SGCZ: variants seen among roughly 807,000 people sequenced by gnomAD.
The protein encoded by SGCZ is zeta-sarcoglycan.
SGCZ carries 40 observed loss-of-function variants against 41.3 expected under a neutral mutation model. The ratio of observed to expected loss-of-function variants is 0.97; its 90% CI spans 0.75 to 1.26. The LOEUF (loss-of-function observed/expected upper bound fraction) is 1.26. SGCZ is among the 50% of genes most tolerant of loss of function. SGCZ has a pLI of 0.00. For synonymous variants in SGCZ, 206 were observed against 137.5 expected, an observed-to-expected ratio of 1.50 and a Z score of -3.49; for missense variants, 552 against 369.8, an observed-to-expected ratio of 1.49 and a Z score of -4.04.
At chr8:15,082,964 C>T (rs1437988092) in intron 1 of SGCZ, among the ~76,000 whole-genome samples, 1 of 151,796 alleles carries the variant, frequency 6.6e-6, no homozygotes, top group African/African-American at 2.4e-5. Context: ...CACTAGATTT[C>T]ACAGTCTGAT....
intron 2 of SGCZ, among the ~76,000 whole-genome samples, chr8:14,435,009 A>C (rs1800048451): frequency 6.6e-6 from 1 of 152,206 alleles, no homozygotes; most frequent in African/African-American, 2.4e-5. Flanking sequence ...TATTTAAAAA[A>C]ATAATTACCA....
intron 3 of SGCZ, among the ~76,000 whole-genome samples, chr8:14,323,754 A>G (rs776015170): frequency 6.6e-6 from 1 of 152,162 alleles, no homozygotes; most frequent in Non-Finnish European, 1.5e-5. Context: ...AAAATCATTA[A>G]TTCAAATCAG....
intron 1 of SGCZ, among the ~76,000 whole-genome samples, chr8:15,111,236 T>C (rs898672300): frequency 3.9e-5 from 6 of 152,126 alleles, no homozygotes. Context: ...GCTGATTTCC[T>C]AGGGCTGGCT....
intron 2 of SGCZ, among the ~76,000 whole-genome samples, chr8:14,509,719 G>A (rs1021956271): frequency 1.3e-5 from 2 of 152,054 alleles, no homozygotes; most frequent in African/African-American, 4.8e-5. Flanking sequence ...CCTGACACAG[G>A]GTAATTAATA....
intron 1 of SGCZ, among the ~76,000 whole-genome samples, chr8:15,123,236 A>C (rs2116955727): frequency 6.6e-6 from 1 of 152,324 alleles, no homozygotes; most frequent in East Asian, 1.9e-4. Flanking sequence ...AAAATAAAAC[A>C]ACCAGTGCTA....
chr8:14,154,764 T>C (rs75328560), intron 5 of SGCZ, among the ~76,000 whole-genome samples: 3 of 152,126 alleles, frequency 2.0e-5, no homozygotes, highest in Non-Finnish European at 4.4e-5. Context: ...GAAGGCTTAC[T>C]CTTCTAATAC....
chr8:14,836,925 T>G (rs760109659), intron 1 of SGCZ, among the ~76,000 whole-genome samples: 7 of 152,222 alleles, frequency 4.6e-5, no homozygotes, highest in Non-Finnish European at 1.0e-4. Flanking sequence ...ATTAACCCAC[T>G]TGTCCAGCTT....
intron 1 of SGCZ, among the ~76,000 whole-genome samples, chr8:15,036,433 G>A (rs1803880148): frequency 6.6e-6 from 1 of 151,906 alleles, no homozygotes; most frequent in Non-Finnish European, 1.5e-5. Flanking sequence ...GGGAGAGGAT[G>A]ACAAAAAATA....
intron 2 of SGCZ, among the ~76,000 whole-genome samples, chr8:14,382,627 G>C (rs1804410716): frequency 6.6e-6 from 1 of 152,166 alleles, no homozygotes; most frequent in Admixed American, 6.5e-5. Context: ...ATTTGAGATT[G>C]AGGGTTAAAG....
intron 1 of SGCZ, among the ~76,000 whole-genome samples, chr8:14,765,734 C>A (rs1800016303): frequency 6.6e-6 from 1 of 152,138 alleles, no homozygotes; most frequent in African/African-American, 2.4e-5. Flanking sequence ...ACAGAAATGA[C>A]AAGTATGGGG....
chr8:15,159,205 G>C (rs1173300242), intron 1 of SGCZ, among the ~76,000 whole-genome samples: 1 of 152,202 alleles, frequency 6.6e-6, no homozygotes, highest in Non-Finnish European at 1.5e-5. Context: ...ATAGCTTCTA[G>C]ATAGCTGAAC....
chr8:15,097,886 G>GTATA (rs1348806417), intron 1 of SGCZ, among the ~76,000 whole-genome samples: 18 of 19,016 alleles, frequency 9.5e-4, no homozygotes, highest in African/African-American at 2.5e-3. Flanking sequence ...ATATATACGT[G>GTATA]TGTATATATA....
chr8:14,855,478 A>C (rs116829927), intron 1 of SGCZ, among the ~76,000 whole-genome samples: 2,458 of 152,236 alleles, frequency 0.016, 39 homozygotes, highest in African/African-American at 0.043. Flanking sequence ...AACAGTGTCC[A>C]TACTTGCAGG....
intron 1 of SGCZ, among the ~76,000 whole-genome samples, chr8:14,967,642 T>G (rs1047182541): frequency 6.6e-6 from 1 of 152,128 alleles, no homozygotes; most frequent in Non-Finnish European, 1.5e-5. Context: ...TACTGGTCAT[T>G]TCATATCTCA....
At chr8:14,400,632 T>C (rs1003379445) in intron 2 of SGCZ, among the ~76,000 whole-genome samples, 3 of 152,160 alleles carry the variant, frequency 2.0e-5, no homozygotes, top group East Asian at 1.9e-4. Flanking sequence ...CCAGACCACA[T>C]ACTGAATACA....
intron 1 of SGCZ, among the ~76,000 whole-genome samples, chr8:14,929,429 C>G (rs540401592): frequency 1.3e-5 from 2 of 151,948 alleles, no homozygotes; most frequent in East Asian, 3.9e-4. Context: ...ATACTCTCAC[C>G]CAGATATGTT....
At chr8:14,155,723 T>A (rs1247646109) in intron 5 of SGCZ, among the ~76,000 whole-genome samples, 3 of 150,802 alleles carry the variant, frequency 2.0e-5, no homozygotes, top group Non-Finnish European at 4.4e-5. Context: ...TATATTTATA[T>A]ATACAAAGGC....
chr8:14,762,257 C>A lies in SGCZ; in HGVS notation c.40-207331G>T. On this transcript the variant is annotated intron_variant, in intron 1 of 7. Coordinates refer to ENST00000382080, the MANE Select transcript of SGCZ (RefSeq NM_139167.4). ...GGATATGGAGTCATGAATAAATCTCCATGAACCTCAAATCTCCATGGACCT... is the reference window on the plus strand; with the variant it reads ...GGATATGGAGTCATGAATAAATCTCAATGAACCTCAAATCTCCATGGACCT... 1.3e-5 allele frequency among the ~76,000 whole-genome samples: 2 copies of A among 152,088 alleles called. 1 individual carries two copies. Among genetic ancestry groups the A allele is most frequent in the Admixed American group, 1.3e-4 (2 of 15,274 alleles).
intron 1 of SGCZ, among the ~76,000 whole-genome samples, chr8:14,985,064 T>C (rs542151680): frequency 7.2e-5 from 11 of 152,156 alleles, no homozygotes; most frequent in Non-Finnish European, 1.5e-4. Flanking sequence ...CTCTGTTTAT[T>C]TGAAGGCAAG....
Sources: allele counts gnomAD v4.1 joint callset (sites outside exome capture counted in the v4.1 genomes callset), GRCh38; gene constraint gnomAD v4.1.1; transcripts MANE v1.5; gene names NCBI Gene and HGNC (gene_info 2026-07-23, HGNC 2026-07-21).